Variants in MGAM2 observed in about 807,000 individuals in gnomAD.
The protein encoded by MGAM2 is probable maltase-glucoamylase 2.
MGAM2 carries 98 observed loss-of-function variants against 96.1 expected under a neutral mutation model. The ratio of observed to expected loss-of-function variants is 1.02; its 90% CI spans 0.87 to 1.21. The LOEUF is 1.21. Ranked by LOEUF, MGAM2 falls within the 50% of genes most tolerant of loss-of-function variation. The probability of loss-of-function intolerance (pLI) is 0.00; values close to 1 mark genes in which losing one functional copy is unlikely to be tolerated. For synonymous variants in MGAM2, 749 were observed against 414.8 expected (o/e 1.81, Z -9.79); for missense variants, 2,055 against 1,182.4 (o/e 1.74, Z -10.82).
chr7:142,125,789 A>G (rs1243500808), intron 3 of MGAM2, among the ~76,000 whole-genome samples: 1 of 152,190 alleles, frequency 6.6e-6, no homozygotes, highest in Admixed American at 6.5e-5. Context: ...TTTTCAAATG[A>G]GTAGTGTTGT....
chr7:142,198,338 C>T, intron 43 of MGAM2, 143 bp downstream of exon 43: 1 of 605,122 alleles, frequency 1.7e-6, no homozygotes, highest in Admixed American at 2.8e-5. Context: ...TAAATGAAAG[C>T]ATGTATAAGA....
At chr7:142,127,773 G>C (rs1180562821) in intron 3 of MGAM2, among the ~76,000 whole-genome samples, 1 of 152,136 alleles carries the variant, frequency 6.6e-6, no homozygotes, top group Non-Finnish European at 1.5e-5. Flanking sequence ...ATGACTGTGA[G>C]GCCTCCCCAG....
At chr7:142,213,346 A>T (rs1205061004) in intron 46 of MGAM2, among the ~76,000 whole-genome samples, 4 of 152,148 alleles carry the variant, frequency 2.6e-5, no homozygotes, top group African/African-American at 9.7e-5. Context: ...GGAGAGAGAG[A>T]CACGAAATAC....
chr7:142,180,394 TG>T (rs35670926), intron 32 of MGAM2, among the ~76,000 whole-genome samples: 28,718 of 152,068 alleles, frequency 0.19, 2,993 homozygotes, highest in East Asian at 0.34. Flanking sequence ...CTGCGATCTT[TG>T]GGGTAAGTTT....
intron 35 of MGAM2, among the ~76,000 whole-genome samples, chr7:142,187,360 C>T (rs371013318): frequency 1.1e-4 from 16 of 152,166 alleles, no homozygotes; most frequent in South Asian, 4.1e-4. Flanking sequence ...ATAATCCATG[C>T]GTAGTAAAAC....
rs1449581499 is a variant in MGAM2, at chr7:142,221,175, TCTC to T, written c.6667_6669del (p.Pro2223del). ...CACTACTGTTATTATGGCAACTACTTCTCCTACAAGTACTGATGTTGCTAGCAC... is the reference window on the plus strand; with the variant it reads ...CACTACTGTTATTATGGCAACTACTTCTACAAGTACTGATGTTGCTAGCAC... On this transcript the variant is annotated inframe_deletion, in exon 48 of 48. Transcript: ENST00000477922. 4 of 702,548 alleles carry T rather than the reference TCTC, an allele frequency of 5.7e-6. No homozygotes were observed. Among genetic ancestry groups the T allele is most frequent in the South Asian group, 3.0e-5 (2 of 67,572 alleles). The allele number at this position is 702,548 out of a possible 1,614,324, so 43.5% of individuals were successfully genotyped here.
Position 142,147,622 on chromosome 7 carries a change from T to A in MGAM2, c.1634+49T>A, listed in dbSNP as rs532804106. The A allele has an allele frequency of 3.2e-5, 21 of 662,400 alleles. No individual in the cohort carries two copies. The East Asian group carries it at 4.9e-4, about 15-fold the overall frequency. The allele number at this position is 662,400 out of a possible 1,614,324, so 41.0% of individuals were successfully genotyped here. On this transcript the variant is annotated intron_variant, in intron 15 of 47. Coordinates refer to ENST00000477922, the MANE Select transcript of MGAM2 (RefSeq NM_001293626.2). ...ATTCCAGATATGTGGAGGTGGGAGG[T>A]GGAGGTGGAGGTTTTTCTTCTGTTC...
Position 142,196,595 on chromosome 7 carries a change from CT to C in MGAM2, c.4513del (p.Tyr1505IlefsTer59), listed in dbSNP as rs748686113. 6.1e-5 allele frequency: 44 copies of C among 723,960 alleles called. No individual in the cohort carries two copies. Among genetic ancestry groups the C allele is most frequent in the Non-Finnish European group, 1.0e-4 (40 of 393,500 alleles). The allele number at this position is 723,960 out of a possible 1,614,324, so 44.8% of individuals were successfully genotyped here. ...GMMEFSLFGI[P>X]YTGADICGFF... ...ATGGAGTTCAGTCTCTTTGGAATAC[CT>C]TATGTAAGTCACATTCAGACCATTA... On this transcript the variant is annotated frameshift_variant, in exon 39 of 48. Coordinates refer to ENST00000477922, the MANE Select transcript of MGAM2 (RefSeq NM_001293626.2). LOFTEE classifies it high-confidence loss of function.
In MGAM2 at chr7:142,190,360, C is replaced by T. The variant is rs543087349; in HGVS notation, c.4346+855C>T. On this transcript the variant is annotated intron_variant, in intron 37 of 47. Transcript: ENST00000477922. ...AATCTCGGCTCACTGCAACCTCCTC[C>T]TCCTGGGTTCAGGTGATTCTCCAGC... Among the ~76,000 whole-genome samples, 6 of 150,562 alleles carry T rather than the reference C, an allele frequency of 4.0e-5. No homozygotes were observed. The South Asian group carries it at 1.3e-3, about 32-fold the overall frequency.
intron 3 of MGAM2, among the ~76,000 whole-genome samples, chr7:142,129,382 T>C (rs764097866): frequency 3.9e-5 from 6 of 152,156 alleles, no homozygotes; most frequent in Non-Finnish European, 7.4e-5. Flanking sequence ...TAAGGGACTA[T>C]TGGAAGGGCA....
Position 142,125,801 on chromosome 7 carries a change from A to G in MGAM2, c.187-5147A>G, listed in dbSNP as rs57575814. Among the ~76,000 whole-genome samples, 254 of 152,246 alleles carry G rather than the reference A, an allele frequency of 1.7e-3. 4 individuals carry two copies. In the South Asian group the frequency reaches 0.033, roughly 20 times the overall value. Reference sequence around the variant, plus strand: ...CCTTTTTCAAATGAGTAGTGTTGTGACATATTCTTGTTTTTGGTGTCACAA... The same window carrying G: ...CCTTTTTCAAATGAGTAGTGTTGTGGCATATTCTTGTTTTTGGTGTCACAA... On this transcript the variant is annotated intron_variant, in intron 3 of 47. Transcript: ENST00000477922.
chr7:142,154,896 T>A, intron 17 of MGAM2, 51 bp downstream of exon 17: 1 of 700,332 alleles, frequency 1.4e-6, no homozygotes, highest in Non-Finnish European at 2.6e-6. Flanking sequence ...GCTAATCTAC[T>A]GGCTCTTAAA....
At chr7:142,209,270 A>AT (rs897167167) in intron 46 of MGAM2, among the ~76,000 whole-genome samples, 12 of 152,074 alleles carry the variant, frequency 7.9e-5, no homozygotes, top group African/African-American at 1.2e-4. Context: ...GTTCTTTATA[A>AT]TTTTTTTGTA....
At position 142,186,739 on chromosome 7, in the gene MGAM2, C is replaced by A. The variant is rs563546116; in HGVS notation, c.4122+616C>A. ...CAAGCTCTAGGCCAGCTCTGAAGAG[C>A]TATTCAGCTCTGGGTCAGACTGGAA... On this transcript the variant is annotated intron_variant, in intron 35 of 47. Coordinates refer to ENST00000477922, the MANE Select transcript of MGAM2 (RefSeq NM_001293626.2). Among the ~76,000 whole-genome samples the A allele has an allele frequency of 9.1e-4, 139 of 152,324 alleles. 1 individual carries two copies. Among genetic ancestry groups the A allele is most frequent in the Non-Finnish European group, 1.5e-3 (99 of 68,032 alleles).
chr7:142,124,337 T>A (rs528101729), intron 3 of MGAM2, among the ~76,000 whole-genome samples: 1 of 152,138 alleles, frequency 6.6e-6, no homozygotes, highest in African/African-American at 2.4e-5. Flanking sequence ...ACCATCTTTT[T>A]CCCTCTGCAT....
chr7:142,154,119 C>T lies in MGAM2; in HGVS notation c.1736C>T (p.Ala579Val), dbSNP rs569896212. ...KFAAHWLGDN[A>V]ATWDDLRWSI... Reference sequence around the variant, plus strand: ...GCTGCTCATTGGCTGGGGGACAATGCGGCCACATGGGATGACCTCCGATGG... The same window carrying T: ...GCTGCTCATTGGCTGGGGGACAATGTGGCCACATGGGATGACCTCCGATGG... The change falls in exon 16 of 48, where the codon GCG becomes GTG. Residue 579 changes from alanine (A) to valine (V), a missense_variant. Ala to Val is a moderately conservative substitution (Grantham distance 64). Transcript: ENST00000477922. 1.9e-5 allele frequency: 13 copies of T among 690,928 alleles called. No individual in the cohort carries two copies. The East Asian group carries it at 2.4e-4, about 13-fold the overall frequency. 42.8% of individuals were successfully genotyped at this position (690,928 alleles called of 1,614,324 possible).
At chr7:142,212,759 A>G (rs1797626998) in intron 46 of MGAM2, among the ~76,000 whole-genome samples, 1 of 152,196 alleles carries the variant, frequency 6.6e-6, no homozygotes, top group African/African-American at 2.4e-5. Flanking sequence ...ACCCACTGTC[A>G]ATATTAGACA....
At chr7:142,171,097 C>T (rs1796170206) in intron 27 of MGAM2, 175 bp from the exon 28 acceptor site, 1 of 649,596 alleles carries the variant, frequency 1.5e-6, no homozygotes, top group African/African-American at 1.8e-5. Flanking sequence ...TAACATGGAA[C>T]TTTGGTCCTG....
rs920435662 is a variant in MGAM2, at chr7:142,111,748, C to T, written c.-60C>T. ...CTACCTCAGCCCAGTTACCTTTGCT[C>T]AGTGCTCCCTATGAATTGCTGAGGG... is the stretch of plus-strand genomic sequence containing the variant. On this transcript the variant is annotated 5_prime_UTR_variant, in exon 1 of 48. Transcript: ENST00000477922. 3.3e-5 allele frequency: 5 copies of T among 152,168 alleles called. No homozygotes were observed. The highest frequency in any genetic ancestry group is 9.7e-5 in the African/African-American group (4 of 41,418). The allele number at this position is 152,168 out of a possible 1,614,324, so 9.4% of individuals were successfully genotyped here. A position where few individuals can be genotyped will look rare whatever the true frequency, so the allele number is the denominator to read the frequency against.
Sources: allele counts gnomAD v4.1 joint callset (sites outside exome capture counted in the v4.1 genomes callset), GRCh38; gene constraint gnomAD v4.1.1; transcripts MANE v1.5; gene names NCBI Gene and HGNC (gene_info 2026-07-23, HGNC 2026-07-21).